Variants in MGAT4A observed in about 807,000 individuals in gnomAD.
MGAT4A encodes the protein N-acetylglucosaminyltransferase IVa.
Under a neutral mutation model 74.1 loss-of-function variants are expected in MGAT4A, and 33 were observed. That is an observed-to-expected ratio of 0.45 (90% CI 0.34 to 0.60). MGAT4A has a LOEUF of 0.60. MGAT4A is among the 20% of genes least tolerant of loss of function. The probability of loss-of-function intolerance (pLI) is 0.02; values close to 1 mark genes in which losing one functional copy is unlikely to be tolerated. For synonymous variants in MGAT4A, 198 were observed against 210.4 expected (o/e 0.94, Z 0.51); for missense variants, 479 against 628.3 (o/e 0.76, Z 2.54).
chr2:98,667,219 T>C (rs376605470), intron 4 of MGAT4A, among the ~76,000 whole-genome samples: 36 of 152,280 alleles, frequency 2.4e-4, no homozygotes, highest in South Asian at 6.2e-4. Context: ...CTTTTGTAAA[T>C]TGCCCAGTCT....
chr2:98,645,383 TCA>T (rs777623369), intron 9 of MGAT4A, 43 bp downstream of exon 9: 25 of 1,350,094 alleles, frequency 1.9e-5, no homozygotes, highest in Non-Finnish European at 2.2e-5. Context: ...ATTCTGAGAG[TCA>T]CAGTTATTTA....
chr2:98,668,665 C>T (rs1398643731), intron 4 of MGAT4A, among the ~76,000 whole-genome samples: 2 of 152,184 alleles, frequency 1.3e-5, no homozygotes, highest in Non-Finnish European at 2.9e-5. Context: ...ATGATAGATC[C>T]ACTCATGGCT....
chr2:98,669,305 C>T (rs933708313), intron 4 of MGAT4A, among the ~76,000 whole-genome samples: 5 of 152,140 alleles, frequency 3.3e-5, no homozygotes, highest in Admixed American at 6.5e-5. Flanking sequence ...ATAAGCCTCA[C>T]GAGATCTGAT....
At position 98,706,625 on chromosome 2, in the gene MGAT4A, G is replaced by A. The variant is rs868176837; in HGVS notation, c.94+19614C>T. Among the ~76,000 whole-genome samples the A allele has an allele frequency of 2.2e-4, 33 of 150,468 alleles. 1 individual carries two copies. Among genetic ancestry groups the A allele is most frequent in the Admixed American group, 9.3e-4 (14 of 15,128 alleles). ...TTATAGGCATTGAGCCACTGTGCCC[G>A]GCCTGATGTGAATTTAAAAAAAAAA... On this transcript the variant is annotated intron_variant, in intron 2 of 15. Transcript: ENST00000393487.
intron 14 of MGAT4A, among the ~76,000 whole-genome samples, chr2:98,629,531 G>A (rs1229725258): frequency 6.6e-6 from 1 of 152,064 alleles, no homozygotes; most frequent in African/African-American, 2.4e-5. Flanking sequence ...CACCTGATGA[G>A]CTCATTTCAT....
chr2:98,636,379 C>CA, intron 13 of MGAT4A, 138 bp downstream of exon 13: 8 of 637,086 alleles, frequency 1.3e-5, no homozygotes, highest in East Asian at 5.5e-5. Context: ...CTTCATATTT[C>CA]AAAAAAAATT....
At chr2:98,705,967 A>G (rs4069745) in intron 2 of MGAT4A, among the ~76,000 whole-genome samples, 36,581 of 147,312 alleles carry the variant, frequency 0.25, 5,054 homozygotes, top group Non-Finnish European at 0.34. Context: ...AAAAAAAAAA[A>G]AAAAGAAAAT....
intron 2 of MGAT4A, among the ~76,000 whole-genome samples, chr2:98,716,011 A>T (rs1467394684): frequency 1.3e-5 from 2 of 152,188 alleles, no homozygotes; most frequent in East Asian, 3.8e-4. Context: ...ACACCTCCTG[A>T]TATAATGTGC....
intron 2 of MGAT4A, among the ~76,000 whole-genome samples, chr2:98,706,490 C>T (rs1171904623): frequency 1.3e-5 from 2 of 151,966 alleles, no homozygotes; most frequent in African/African-American, 2.4e-5. Flanking sequence ...CCACCATGCC[C>T]AGCTAATTTT....
intron 4 of MGAT4A, chr2:98,663,381 G>GA: frequency 6.6e-7 from 1 of 1,517,498 alleles, no homozygotes; most frequent in South Asian, 1.3e-5. Flanking sequence ...TTAACCATAA[G>GA]AAAAAAAGAA....
At chr2:98,682,185 G>A (rs1051387470) in intron 2 of MGAT4A, among the ~76,000 whole-genome samples, 2 of 152,156 alleles carry the variant, frequency 1.3e-5, no homozygotes, top group African/African-American at 4.8e-5. Context: ...CACTTTGGGA[G>A]GCCGAGGTGG....
chr2:98,642,810 T>C (rs530713591), intron 10 of MGAT4A, among the ~76,000 whole-genome samples: 25 of 152,360 alleles, frequency 1.6e-4, no homozygotes, highest in African/African-American at 6.0e-4. Context: ...CTAGATTCCA[T>C]GATTTCCTCT....
intron 8 of MGAT4A, among the ~76,000 whole-genome samples, chr2:98,652,120 G>C (rs1701587727): frequency 6.6e-6 from 1 of 152,090 alleles, no homozygotes; most frequent in African/African-American, 2.4e-5. Context: ...AATAATACTA[G>C]GGGGTTTCAA....
intron 2 of MGAT4A, among the ~76,000 whole-genome samples, chr2:98,681,331 C>G (rs189817155): frequency 6.6e-6 from 1 of 152,116 alleles, no homozygotes; most frequent in African/African-American, 2.4e-5. Context: ...ATGTATAATT[C>G]TAATATTTAT....
chr2:98,713,916 G>A lies in MGAT4A; in HGVS notation c.94+12323C>T, dbSNP rs552890221. On this transcript the variant is annotated intron_variant, in intron 2 of 15. Coordinates refer to ENST00000393487, the MANE Select transcript of MGAT4A (RefSeq NM_012214.3). Reference sequence around the variant, plus strand: ...AGGAAGTGACTAAAATGTAACCTAAGTAACTTTAGAAAATAGCATCTGTAT... The same window carrying A: ...AGGAAGTGACTAAAATGTAACCTAAATAACTTTAGAAAATAGCATCTGTAT... Among the ~76,000 whole-genome samples, 8 of 152,298 alleles carry A rather than the reference G, an allele frequency of 5.3e-5. No individual in the cohort carries two copies. In the South Asian group the frequency reaches 1.7e-3, roughly 32 times the overall value.
chr2:98,680,366 C>T (rs1702043112), intron 2 of MGAT4A, among the ~76,000 whole-genome samples: 1 of 152,088 alleles, frequency 6.6e-6, no homozygotes, highest in Non-Finnish European at 1.5e-5. Context: ...TTTAATTTAA[C>T]ATTATAATTT....
chr2:98,680,216 G>A (rs555382529), intron 2 of MGAT4A, among the ~76,000 whole-genome samples: 21 of 152,000 alleles, frequency 1.4e-4, no homozygotes, highest in African/African-American at 3.1e-4. Flanking sequence ...GATACTTTTC[G>A]TATTTTCAGT....
chr2:98,725,331 C>G (rs1702745916), intron 2 of MGAT4A, among the ~76,000 whole-genome samples: 1 of 152,004 alleles, frequency 6.6e-6, no homozygotes, highest in Non-Finnish European at 1.5e-5. Flanking sequence ...CATGCACATA[C>G]AGATATATAC....
At chr2:98,638,400 A>G (rs1159530517) in intron 12 of MGAT4A, among the ~76,000 whole-genome samples, 1 of 152,198 alleles carries the variant, frequency 6.6e-6, no homozygotes, top group Non-Finnish European at 1.5e-5. Context: ...TTTGCTTTTC[A>G]CCCCACTTAG....
Sources: allele counts gnomAD v4.1 joint callset (sites outside exome capture counted in the v4.1 genomes callset), GRCh38; gene constraint gnomAD v4.1.1; transcripts MANE v1.5; gene names NCBI Gene and HGNC (gene_info 2026-07-23, HGNC 2026-07-21).